The following ANKRD31 variants were observed in gnomAD, a reference collection of about 807,000 sequenced individuals.
ANKRD31 encodes the protein ankyrin repeat domain-containing protein 31.
A neutral mutation model predicts 186.0 loss-of-function variants in ANKRD31; 147 were observed. The observed-to-expected ratio is 0.79, with a 90% CI of 0.69 to 0.91. The LOEUF is 0.91. Among genes scored for constraint, ANKRD31 ranks in the 40% least tolerant of loss-of-function variants. The probability of loss-of-function intolerance (pLI) is 0.00; values close to 1 mark genes in which losing one functional copy is unlikely to be tolerated. For missense variants in ANKRD31, 1,986 were observed against 2,148.8 expected, an observed-to-expected ratio of 0.92 and a Z score of 1.50; for synonymous variants, 673 against 736.4, an observed-to-expected ratio of 0.91 and a Z score of 1.39.
intron 3 of ANKRD31, 121 bp downstream of exon 3, chr5:75,222,128 A>T (rs924085608): frequency 1.6e-6 from 1 of 640,114 alleles, no homozygotes; most frequent in Non-Finnish European, 2.5e-6. Context: ...GGTAAAAATT[A>T]ATAAGAAAAG....
chr5:75,082,273 G>A (rs1331102593), intron 24 of ANKRD31, among the ~76,000 whole-genome samples: 4 of 152,188 alleles, frequency 2.6e-5, no homozygotes, highest in Non-Finnish European at 5.9e-5. Flanking sequence ...TTGAATTATT[G>A]GGGCTTGTTA....
intron 5 of ANKRD31, among the ~76,000 whole-genome samples, chr5:75,202,939 A>G (rs1755910570): frequency 6.6e-6 from 1 of 152,224 alleles, no homozygotes; most frequent in Non-Finnish European, 1.5e-5. Flanking sequence ...TGCATGTGGC[A>G]CTACTTTTTA....
intron 5 of ANKRD31, among the ~76,000 whole-genome samples, chr5:75,202,949 A>G (rs1755911163): frequency 6.6e-6 from 1 of 152,094 alleles, no homozygotes; most frequent in South Asian, 2.1e-4. Flanking sequence ...ACTACTTTTT[A>G]TTTTTTATTT....
At chr5:75,112,630 T>A (rs1175876702) in intron 19 of ANKRD31, 30 bp from the exon 20 acceptor site, 1 of 1,356,590 alleles carries the variant, frequency 7.4e-7, no homozygotes, top group Non-Finnish European at 1.0e-6. Flanking sequence ...GAAACTTCAT[T>A]ATAAAGGGGT....
At chr5:75,080,833 G>C (rs4632781) in intron 24 of ANKRD31, among the ~76,000 whole-genome samples, 194 bp from the exon 25 acceptor site, 21,490 of 151,934 alleles carry the variant, frequency 0.14, 1,646 homozygotes, top group Non-Finnish European at 0.16. Flanking sequence ...CCCAAAAACA[G>C]TATTCTAAAA....
intron 22 of ANKRD31, among the ~76,000 whole-genome samples, chr5:75,101,703 T>C (rs1245239290): frequency 2.0e-5 from 3 of 152,230 alleles, no homozygotes; most frequent in Non-Finnish European, 4.4e-5. Flanking sequence ...ATATCTTTTT[T>C]CCAGTTGATC....
At chr5:75,101,323 G>A (rs1210790578) in intron 22 of ANKRD31, among the ~76,000 whole-genome samples, 1 of 151,966 alleles carries the variant, frequency 6.6e-6, no homozygotes, top group Non-Finnish European at 1.5e-5. Flanking sequence ...TCCCTTTGTG[G>A]GTAACTTGAC....
At chr5:75,109,979 C>T (rs902150907) in intron 20 of ANKRD31, among the ~76,000 whole-genome samples, 5 of 152,160 alleles carry the variant, frequency 3.3e-5, no homozygotes, top group Non-Finnish European at 5.9e-5. Context: ...GAGTTTTAAA[C>T]ACCTGTCAGG....
chr5:75,086,080 G>A (rs1176912184), intron 23 of ANKRD31, among the ~76,000 whole-genome samples: 1 of 152,188 alleles, frequency 6.6e-6, no homozygotes, highest in Non-Finnish European at 1.5e-5. Flanking sequence ...GGAAACAATA[G>A]ATTTTGTATG....
chr5:75,180,402 C>T (rs1257892612), intron 10 of ANKRD31, among the ~76,000 whole-genome samples: 2 of 152,194 alleles, frequency 1.3e-5, no homozygotes, highest in East Asian at 3.9e-4. Context: ...TCATATGGAA[C>T]CAAAAAAGAG....
At chr5:75,153,893 C>CAAAGTTATCCCCA (rs1287243722) in intron 12 of ANKRD31, among the ~76,000 whole-genome samples, 1 of 151,776 alleles carries the variant, frequency 6.6e-6, no homozygotes, top group African/African-American at 2.4e-5. Flanking sequence ...AGGATATAAC[C>CAAAGTTATCCCCA]AAAGGGGATC....
chr5:75,152,439 C>A (rs970723921), intron 12 of ANKRD31, among the ~76,000 whole-genome samples: 1 of 151,962 alleles, frequency 6.6e-6, no homozygotes, highest in Admixed American at 6.6e-5. Context: ...ATTAAACTTT[C>A]CTGCACACAA....
At chr5:75,166,964 A>ATTCATTGTTTTTTAGT (rs1176284106) in intron 11 of ANKRD31, among the ~76,000 whole-genome samples, 3 of 152,168 alleles carry the variant, frequency 2.0e-5, no homozygotes, top group Admixed American at 6.5e-5. Flanking sequence ...CTATTTAAAG[A>ATTCATTGTTTTTTAGT]ATATAATTCA....
intron 17 of ANKRD31, among the ~76,000 whole-genome samples, chr5:75,126,006 A>C (rs1749224607): frequency 6.6e-6 from 1 of 152,188 alleles, no homozygotes; most frequent in Non-Finnish European, 1.5e-5. Context: ...TCACTTACCA[A>C]GACTCTTTGG....
At chr5:75,127,216 A>G (rs1749328499) in intron 17 of ANKRD31, among the ~76,000 whole-genome samples, 2 of 151,866 alleles carry the variant, frequency 1.3e-5, no homozygotes, top group South Asian at 2.1e-4. Context: ...CTGAACACAT[A>G]TATGAGGGTC....
chr5:75,136,697 A>G (rs1018818584), intron 17 of ANKRD31, among the ~76,000 whole-genome samples: 6 of 152,258 alleles, frequency 3.9e-5, no homozygotes, highest in African/African-American at 1.2e-4. Flanking sequence ...TCATGCTGCT[A>G]TAAAGACACA....
chr5:75,188,601 T>G lies in ANKRD31; in HGVS notation c.1456A>C (p.Asn486His). 1 of 1,536,228 alleles carries G rather than the reference T, an allele frequency of 6.5e-7. No individual in the cohort carries two copies. Among genetic ancestry groups the G allele is most frequent in the Non-Finnish European group, 8.7e-7 (1 of 1,146,366 alleles). ...TATACTAAGTTCTCTCCAAAAATGT[T>G]TCTCCGGTTAATGCTATGAAGAGAT... Reference protein sequence around the residue: ...KISLHSINRRNIFGENLVYKA... With the variant: ...KISLHSINRRHIFGENLVYKA... Residue 486 changes from asparagine (N) to histidine (H), a missense_variant, in exon 10 of 26, where the codon AAC (asparagine) becomes CAC (histidine). Physicochemically the swap from Asn to His is moderately conservative, Grantham distance 68. Transcript: ENST00000506364.
chr5:75,188,713 C>T, intron 9 of ANKRD31, 65 bp from the exon 10 acceptor site: 11 of 1,353,282 alleles, frequency 8.1e-6, no homozygotes, highest in Non-Finnish European at 1.1e-5. Flanking sequence ...ATACGGATTA[C>T]AAACCACATA....
chr5:75,175,656 C>T (rs1193610511), intron 10 of ANKRD31, among the ~76,000 whole-genome samples: 2 of 150,774 alleles, frequency 1.3e-5, no homozygotes, highest in African/African-American at 4.9e-5. Context: ...AACACACACA[C>T]ACACACACAC....
Sources: allele counts gnomAD v4.1 joint callset (sites outside exome capture counted in the v4.1 genomes callset), GRCh38; gene constraint gnomAD v4.1.1; transcripts MANE v1.5; gene names NCBI Gene and HGNC (gene_info 2026-07-23, HGNC 2026-07-21).